The following PSMA4 variants were observed in gnomAD, a reference collection of about 807,000 sequenced individuals.
PSMA4 encodes the protein proteasome subunit alpha type-4.
Under a neutral mutation model 37.2 loss-of-function variants are expected in PSMA4, and 8 were observed. The ratio of observed to expected loss-of-function variants is 0.22; its 90% CI spans 0.13 to 0.39. The LOEUF is 0.39. Among genes scored for constraint, PSMA4 ranks in the 10% least tolerant of loss-of-function variants. The probability of loss-of-function intolerance (pLI) is 1.00; values close to 1 mark genes in which losing one functional copy is unlikely to be tolerated. For missense variants in PSMA4, 169 were observed against 305.1 expected (o/e 0.55, Z 3.32); for synonymous variants, 93 against 98.8 (o/e 0.94, Z 0.35).
chr15:78,543,921 G>C (rs1049150346), intron 4 of PSMA4: 9 of 308,312 alleles, frequency 2.9e-5, no homozygotes, highest in Non-Finnish European at 5.4e-5. Context: ...TAGCTTCTTG[G>C]CGTTAATTTT....
Position 78,544,222 on chromosome 15 carries a change from C to G in PSMA4, c.242C>G (p.Ser81Cys). ...DMACSVAGIT[S>C]DANVLTNELR... The stretch of plus-strand genomic sequence containing the variant: ...GCTTGCAGTGTGGCAGGCATAACTT[C>G]TGATGCTAATGTTCTGACTAATGAA... Residue 81 changes from serine to cysteine, a missense_variant, in exon 5 of 9, where the codon TCT becomes TGT. Transcript: ENST00000044462. 6.2e-7 allele frequency: 1 copy of G among 1,613,862 alleles called. No individual in the cohort carries two copies. Among genetic ancestry groups the G allele is most frequent in the Admixed American group, 1.7e-5 (1 of 60,022 alleles).
At chr15:78,546,724 C>A in intron 8 of PSMA4, 26 bp downstream of exon 8, 3 of 1,570,076 alleles carry the variant, frequency 1.9e-6, no homozygotes, top group South Asian at 1.2e-5. Flanking sequence ...TCCTTTAATT[C>A]TTTCGACTGA....
intron 5 of PSMA4, 49 bp from the exon 6 acceptor site, chr15:78,544,816 AGTCT>A (rs773944300): frequency 9.7e-6 from 12 of 1,232,204 alleles, no homozygotes; most frequent in Non-Finnish European, 1.3e-5. Flanking sequence ...TTTTCCTTAG[AGTCT>A]GTCTGTGTTT....
At position 78,544,904 on chromosome 15, in the gene PSMA4, A is replaced by G. The variant is rs1416311458; in HGVS notation, c.323A>G (p.Glu108Gly). 1 of 1,612,240 alleles carries G rather than the reference A, an allele frequency of 6.2e-7. No individual in the cohort carries two copies. The highest frequency in any genetic ancestry group is 8.5e-7 in the Non-Finnish European group (1 of 1,178,586). ...LLQYQEPIPC[E>G]QLVTALCDIK... ...CAGTATCAGGAGCCAATACCTTGTG[A>G]GCAGTTGGTTACAGCGCTGTGTGAT... Residue 108 changes from glutamate to glycine, a missense_variant, in exon 6 of 9, where the codon GAG becomes GGG. Physicochemically the swap from Glu to Gly is moderately conservative, Grantham distance 98. This residue lies in a region of PSMA4 where 79 missense variants were observed against 212.4 expected (regional missense o/e 0.37). Coordinates refer to ENST00000044462, the MANE Select transcript of PSMA4 (RefSeq NM_002789.6).
Position 78,552,283 on chromosome 15 carries a change from G to A in PSMA4, c.*3339G>A, listed in dbSNP as rs902626221. ...AGGGACCCTACCAGCTCAGAAGCAC[G>A]TTGATATAAATAAGTAGAAAACCAA... On this transcript the variant is annotated 3_prime_UTR_variant, in exon 9 of 9. Transcript: ENST00000044462. The A allele has an allele frequency of 8.5e-5, 13 of 152,186 alleles. No individual in the cohort carries two copies. Among genetic ancestry groups the A allele is most frequent in the Admixed American group, 5.2e-4 (8 of 15,276 alleles). 9.4% of individuals were successfully genotyped at this position (152,186 alleles called of 1,614,324 possible). A position where few individuals can be genotyped will look rare whatever the true frequency, so the allele number is the denominator to read the frequency against.
In PSMA4 at chr15:78,544,864, C is replaced by A; in HGVS notation, c.288-5C>A. 1 of 1,585,032 alleles carries A rather than the reference C, an allele frequency of 6.3e-7. No homozygotes were observed. Among genetic ancestry groups the A allele is most frequent in the Non-Finnish European group, 8.7e-7 (1 of 1,155,544 alleles). Reference sequence around the variant, plus strand: ...ACTACTAATGTGCCCATCTCTTTATCCTAGGTATTTATTACAGTATCAGGA... The same window carrying A: ...ACTACTAATGTGCCCATCTCTTTATACTAGGTATTTATTACAGTATCAGGA... On this transcript the variant is annotated splice_polypyrimidine_tract_variant and splice_region_variant and intron_variant, in intron 5 of 8. Transcript: ENST00000044462.
chr15:78,545,785 A>G (rs768468942), intron 7 of PSMA4, 21 bp downstream of exon 7: 4 of 1,611,998 alleles, frequency 2.5e-6, no homozygotes, highest in African/African-American at 1.3e-5. Flanking sequence ...TTGTTGTGCT[A>G]TAAAATCTAG....
intron 1 of PSMA4, chr15:78,541,675 C>T: frequency 2.0e-6 from 1 of 498,782 alleles, no homozygotes; most frequent in Non-Finnish European, 3.6e-6. Flanking sequence ...CCCACCCTAC[C>T]CCCGGTTCCT....
At chr15:78,541,725 C>T in intron 1 of PSMA4, 180 bp from the exon 2 acceptor site, 1 of 591,218 alleles carries the variant, frequency 1.7e-6, no homozygotes, top group South Asian at 2.1e-5. Context: ...TCTCACCTAA[C>T]TGCCAGTATT....
At chr15:78,544,516 G>T (rs1388353110) in intron 5 of PSMA4, 4 of 451,744 alleles carry the variant, frequency 8.9e-6, no homozygotes, top group Non-Finnish European at 1.2e-5. Context: ...AGCCAGGATG[G>T]TCTCGATTTC....
At chr15:78,546,099 T>C (rs2052546659) in intron 7 of PSMA4, among the ~76,000 whole-genome samples, 1 of 152,098 alleles carries the variant, frequency 6.6e-6, no homozygotes, top group Non-Finnish European at 1.5e-5. Flanking sequence ...TATAGAGCAT[T>C]AGTACCCCCT....
At position 78,548,814 on chromosome 15, in the gene PSMA4, A is replaced by G; in HGVS notation, c.656A>G (p.Glu219Gly). The G allele has an allele frequency of 6.2e-7, 1 of 1,607,600 alleles. No homozygotes were observed. Among genetic ancestry groups the G allele is most frequent in the South Asian group, 1.1e-5 (1 of 89,034 alleles). ...EKVEIATLTRENGKTVIRVLK... is the reference protein window; with the variant it reads ...EKVEIATLTRGNGKTVIRVLK... ...GTGGAAATTGCAACACTAACAAGAG[A>G]GAATGGAAAGACAGTAATCAGAGTT... The change falls in exon 9 of 9, where the codon GAG becomes GGG. Residue 219 changes from glutamate to glycine, a missense_variant. Physicochemically the swap from Glu to Gly is moderately conservative, Grantham distance 98 (BLOSUM62 -2). Around this residue, in one of 2 missense-constraint regions of PSMA4, gnomAD observed 90 missense variants for 92.7 expected, o/e 0.97. Transcript: ENST00000044462.
chr15:78,542,692 A>G, intron 4 of PSMA4, 47 bp downstream of exon 4: 2 of 1,519,778 alleles, frequency 1.3e-6, no homozygotes, highest in East Asian at 2.3e-5. Flanking sequence ...TCACTTTCTC[A>G]CATAAGTGGG....
chr15:78,542,702 G>T (rs1034652716), intron 4 of PSMA4, 57 bp downstream of exon 4: 9 of 1,488,626 alleles, frequency 6.0e-6, no homozygotes, highest in Non-Finnish European at 8.2e-6. Flanking sequence ...ACATAAGTGG[G>T]ATCTATGTAA....
At chr15:78,542,121 C>G (rs771265846) in intron 2 of PSMA4, 56 bp from the exon 3 acceptor site, 16 of 1,549,438 alleles carry the variant, frequency 1.0e-5, no homozygotes, top group Non-Finnish European at 1.4e-5. Context: ...TGTAGGCTTG[C>G]AGGAGTTGGC....
At chr15:78,543,366 C>T (rs1430368663) in intron 4 of PSMA4, among the ~76,000 whole-genome samples, 1 of 152,058 alleles carries the variant, frequency 6.6e-6, no homozygotes, top group Non-Finnish European at 1.5e-5. Context: ...GGCGTAGTCA[C>T]AGGGCGAGTC....
rs996165384 is a variant in PSMA4 at position 78,551,092 on chromosome 15, T to G, written c.*2148T>G. On this transcript the variant is annotated 3_prime_UTR_variant, in exon 9 of 9. Coordinates refer to ENST00000044462, the MANE Select transcript of PSMA4 (RefSeq NM_002789.6). Reference sequence around the variant, plus strand: ...GTCCAATTCACCATTATCTCTGACTTGGACTATTGCAACAGCCTCCTAACT... The same window carrying G: ...GTCCAATTCACCATTATCTCTGACTGGGACTATTGCAACAGCCTCCTAACT... 4 of 152,198 alleles carry G rather than the reference T, an allele frequency of 2.6e-5. No homozygotes were observed. The highest frequency in any genetic ancestry group is 9.6e-5 in the African/African-American group (4 of 41,452). 9.4% of individuals were successfully genotyped at this position (152,198 alleles called of 1,614,324 possible). A position where few individuals can be genotyped will look rare whatever the true frequency, so the allele number is the denominator to read the frequency against.
At position 78,548,827 on chromosome 15, in the gene PSMA4, A is replaced by G. The variant is rs1416863481; in HGVS notation, c.669A>G (p.Thr223=). The part of the protein sequence containing the change: ...IATLTRENGK[T]VIRVLKQKEV... ...CACTAACAAGAGAGAATGGAAAGAC[A>G]GTAATCAGAGTTCTCAAACAAAAAG... Residue 223 remains threonine, a synonymous_variant, in exon 9 of 9, where the codon ACA becomes ACG. Coordinates refer to ENST00000044462, the MANE Select transcript of PSMA4 (RefSeq NM_002789.6). The G allele has an allele frequency of 4.3e-6, 7 of 1,611,902 alleles. No individual in the cohort carries two copies. The highest frequency in any genetic ancestry group is 5.9e-6 in the Non-Finnish European group (7 of 1,179,332).
In PSMA4 at chr15:78,544,908, G is replaced by C. The variant is rs1422287523; in HGVS notation, c.327G>C (p.Gln109His). The C allele has an allele frequency of 6.2e-7, 1 of 1,612,510 alleles. No individual in the cohort carries two copies. Among genetic ancestry groups the C allele is most frequent in the East Asian group, 2.2e-5 (1 of 44,828 alleles). ...ATCAGGAGCCAATACCTTGTGAGCA[G>C]TTGGTTACAGCGCTGTGTGATATCA... ...LQYQEPIPCE[Q>H]LVTALCDIKQ... Residue 109 changes from glutamine to histidine, a missense_variant, in exon 6 of 9, where the codon CAG (glutamine) becomes CAC (histidine). By Grantham distance (24) the Gln-to-His change is conservative. Around this residue, in one of 2 missense-constraint regions of PSMA4, gnomAD observed 79 missense variants for 212.4 expected, o/e 0.37. Coordinates refer to ENST00000044462, the MANE Select transcript of PSMA4 (RefSeq NM_002789.6).
Sources: gnomAD v4.1 joint callset for allele counts (sites outside exome capture counted in the v4.1 genomes callset) on GRCh38, gnomAD v4.1.1 for gene constraint, gnomAD v4.1.1 regional missense constraint, MANE v1.5 for transcripts, NCBI Gene and HGNC (gene_info 2026-07-23, HGNC 2026-07-21) for gene names.